The following SLC14A1 variants were observed in gnomAD, a reference collection of about 807,000 sequenced individuals.
The protein encoded by SLC14A1 is urea transporter 1.
In SLC14A1, 36 loss-of-function variants were observed where a neutral mutation model predicts 39.6. The observed-to-expected ratio is 0.91, with a 90% CI of 0.70 to 1.20. The LOEUF is 1.20. SLC14A1 is among the 50% of genes most tolerant of loss of function. The probability of loss-of-function intolerance (pLI) is 0.00; values close to 1 mark genes in which losing one functional copy is unlikely to be tolerated. For missense variants in SLC14A1, 469 were observed against 478.7 expected (o/e 0.98, Z 0.19); for synonymous variants, 164 against 173.6 (o/e 0.94, Z 0.43).
chr18:45,736,708 G>A lies in SLC14A1; in HGVS notation c.663+60G>A, dbSNP rs563883569. On this transcript the variant is annotated intron_variant, in intron 6 of 9. Transcript: ENST00000321925. ...TCTGCAAGATACGCAATGGCCTCCT[G>A]GTCAACTGTCCACGGGTGTCAGAGT... 2.3e-5 allele frequency: 33 copies of A among 1,453,356 alleles called. No individual in the cohort carries two copies. The East Asian group carries it at 5.0e-4, about 22-fold the overall frequency. 90.0% of individuals were successfully genotyped at this position (1,453,356 alleles called of 1,614,324 possible).
intron 5 of SLC14A1, 57 bp from the exon 6 acceptor site, chr18:45,736,399 T>C: frequency 3.9e-6 from 6 of 1,553,868 alleles, no homozygotes; most frequent in Non-Finnish European, 5.3e-6. Flanking sequence ...GTATAGCGAT[T>C]CCGTGTGTCA....
At position 45,751,094 on chromosome 18, in the gene SLC14A1, C is replaced by G. The variant is rs919458310; in HGVS notation, c.*1143C>G. The G allele has an allele frequency of 4.3e-6, 4 of 919,762 alleles. No homozygotes were observed. In the African/African-American group the frequency reaches 7.2e-5, roughly 16 times the overall value. The allele number at this position is 919,762 out of a possible 1,614,324, so 57.0% of individuals were successfully genotyped here. A position where few individuals can be genotyped will look rare whatever the true frequency, so the allele number is the denominator to read the frequency against. On this transcript the variant is annotated 3_prime_UTR_variant, in exon 10 of 10. Coordinates refer to ENST00000321925, the MANE Select transcript of SLC14A1 (RefSeq NM_015865.7). Reference sequence around the variant, plus strand: ...GTGGCTCACGCCTGTAATCCCAGCACTTTGGGGAGCCCAGGCGGGCAGATT... The same window carrying G: ...GTGGCTCACGCCTGTAATCCCAGCAGTTTGGGGAGCCCAGGCGGGCAGATT...
chr18:45,741,626 C>A (rs547729988), intron 8 of SLC14A1, among the ~76,000 whole-genome samples: 11 of 152,286 alleles, frequency 7.2e-5, no homozygotes, highest in Admixed American at 2.0e-4. Flanking sequence ...TTGTCAAATT[C>A]TTTACTATTA....
intron 3 of SLC14A1, 148 bp from the exon 4 acceptor site, chr18:45,730,867 G>A (rs1372456431): frequency 6.6e-6 from 5 of 753,638 alleles, no homozygotes; most frequent in Non-Finnish European, 1.2e-5. Context: ...TGCCACTAAT[G>A]CAACAATGGG....
chr18:45,750,414 T>C lies in SLC14A1; in HGVS notation c.*463T>C. On this transcript the variant is annotated 3_prime_UTR_variant, in exon 10 of 10. Transcript: ENST00000321925. The stretch of plus-strand genomic sequence containing the variant: ...GTGATAAGCAGCTTGGCTTTTTTTT[T>C]AAATCAATGCAAGTTACACATTATA... 9.2e-7 allele frequency: 1 copy of C among 1,082,524 alleles called. No individual in the cohort carries two copies. Among genetic ancestry groups the C allele is most frequent in the Non-Finnish European group, 1.1e-6 (1 of 889,564 alleles). 67.1% of individuals were successfully genotyped at this position (1,082,524 alleles called of 1,614,324 possible). A position where few individuals can be genotyped will look rare whatever the true frequency, so the allele number is the denominator to read the frequency against.
At chr18:45,726,198 A>G (rs546260542) in intron 2 of SLC14A1, among the ~76,000 whole-genome samples, 3 of 152,324 alleles carry the variant, frequency 2.0e-5, no homozygotes, top group Non-Finnish European at 4.4e-5. Flanking sequence ...GCATGCACAC[A>G]CACAATTTTT....
At chr18:45,738,204 C>T (rs2047253670) in intron 6 of SLC14A1, among the ~76,000 whole-genome samples, 1 of 152,214 alleles carries the variant, frequency 6.6e-6, no homozygotes, top group African/African-American at 2.4e-5. Context: ...TGTGCCAAAG[C>T]TGGGGCTCCC....
intron 8 of SLC14A1, among the ~76,000 whole-genome samples, chr18:45,740,555 A>G (rs1390381507): frequency 1.3e-5 from 2 of 151,822 alleles, no homozygotes. Flanking sequence ...AAAAAAAAAG[A>G]AAAAGGGTCT....
chr18:45,733,951 A>G lies in SLC14A1; in HGVS notation c.342-323A>G, dbSNP rs147864429. 6.1e-3 allele frequency among the ~76,000 whole-genome samples: 922 copies of G among 152,336 alleles called. 12 individuals are homozygous for G. The highest frequency in any genetic ancestry group is 6.2e-3 in the South Asian group (30 of 4,820). On this transcript the variant is annotated intron_variant, in intron 4 of 9. Transcript: ENST00000321925. ...GCTCCTTATGAGAATCTAATGCCTGATAATCTGAGGTGGAACAGTTTCATC... is the reference window on the plus strand; with the variant it reads ...GCTCCTTATGAGAATCTAATGCCTGGTAATCTGAGGTGGAACAGTTTCATC...
intron 4 of SLC14A1, among the ~76,000 whole-genome samples, chr18:45,732,124 T>G (rs1051000369): frequency 1.3e-5 from 2 of 152,264 alleles, no homozygotes; most frequent in East Asian, 3.8e-4. Context: ...TACTGAATAT[T>G]CCTTTATGAT....
Position 45,751,848 on chromosome 18 carries a change from T to C in SLC14A1, c.*1897T>C. 1 of 983,726 alleles carries C rather than the reference T, an allele frequency of 1.0e-6. No individual in the cohort carries two copies. Among genetic ancestry groups the C allele is most frequent in the African/African-American group, 1.7e-5 (1 of 57,302 alleles). The allele number at this position is 983,726 out of a possible 1,614,324, so 60.9% of individuals were successfully genotyped here. On this transcript the variant is annotated 3_prime_UTR_variant, in exon 10 of 10. Transcript: ENST00000321925. ...AAGTCATGTTCATTTACTTTCCACT[T>C]CAGTGTGTATCGTGTAGTATTTTGG... is the stretch of plus-strand genomic sequence containing the variant.
chr18:45,747,789 T>C (rs140073893), intron 8 of SLC14A1, among the ~76,000 whole-genome samples: 137 of 152,358 alleles, frequency 9.0e-4, no homozygotes, highest in African/African-American at 3.2e-3. Context: ...CAAGTTTGTG[T>C]TCAGTTCCTG....
rs1017072432 is a variant in SLC14A1, at chr18:45,740,580, G to T, written c.946+918G>T. Among the ~76,000 whole-genome samples the T allele has an allele frequency of 4.0e-5, 6 of 151,438 alleles. No individual in the cohort carries two copies. The East Asian group carries it at 9.7e-4, about 24-fold the overall frequency. On this transcript the variant is annotated intron_variant, in intron 8 of 9. Transcript: ENST00000321925. ...AAAAAGGGTCTCATTCTGTTGCCCA[G>T]GCTGGAGTGCGGTGGTGTGAACACA...
rs1599258356 is a variant in SLC14A1 at position 45,731,259 on chromosome 18, C to T, written c.341+55C>T. 3.9e-6 allele frequency: 6 copies of T among 1,532,092 alleles called. No individual in the cohort carries two copies. The East Asian group carries it at 1.3e-4, about 34-fold the overall frequency. The allele number at this position is 1,532,092 out of a possible 1,614,324, so 94.9% of individuals were successfully genotyped here. On this transcript the variant is annotated intron_variant, in intron 4 of 9. Transcript: ENST00000321925. Reference sequence around the variant, plus strand: ...TCCCTTCTGAGACACAGGGGCTGACCAGTTACTGTGGGCAACAGTGATAAA... The same window carrying T: ...TCCCTTCTGAGACACAGGGGCTGACTAGTTACTGTGGGCAACAGTGATAAA...
chr18:45,752,258 G>A lies in SLC14A1; in HGVS notation c.*2307G>A. 1.0e-6 allele frequency: 1 copy of A among 985,404 alleles called. No individual in the cohort carries two copies. Among genetic ancestry groups the A allele is most frequent in the Non-Finnish European group, 1.2e-6 (1 of 829,900 alleles). The allele number at this position is 985,404 out of a possible 1,614,324, so 61.0% of individuals were successfully genotyped here. ...TCAGCAGTGAAGAATCTAGGCTGTGGCTGAGAGAACCAGAGGCCTCTAAAA... is the reference window on the plus strand; with the variant it reads ...TCAGCAGTGAAGAATCTAGGCTGTGACTGAGAGAACCAGAGGCCTCTAAAA... On this transcript the variant is annotated 3_prime_UTR_variant, in exon 10 of 10. Transcript: ENST00000321925.
At chr18:45,734,452 CAGA>C in intron 5 of SLC14A1, 50 bp downstream of exon 5, 3 of 1,596,766 alleles carry the variant, frequency 1.9e-6, no homozygotes, top group Non-Finnish European at 2.6e-6. Flanking sequence ...AAAAACATGG[CAGA>C]AGGAGGGAAT....
intron 2 of SLC14A1, among the ~76,000 whole-genome samples, chr18:45,728,465 C>G (rs2144740548): frequency 1.3e-5 from 2 of 152,262 alleles, no homozygotes; most frequent in Middle Eastern, 3.4e-3. Flanking sequence ...TCTCTTTGGG[C>G]TGCTTGTCCT....
At chr18:45,727,817 C>A (rs190888757) in intron 2 of SLC14A1, among the ~76,000 whole-genome samples, 2 of 152,196 alleles carry the variant, frequency 1.3e-5, no homozygotes, top group South Asian at 4.1e-4. Context: ...TGTAAGGACT[C>A]TTAAAGTTCC....
intron 8 of SLC14A1, among the ~76,000 whole-genome samples, chr18:45,743,769 C>T (rs761079028): frequency 1.2e-4 from 19 of 152,140 alleles, no homozygotes; most frequent in Non-Finnish European, 2.2e-4. Context: ...TTATTTTCTC[C>T]TCTCAATTGC....
Sources: gnomAD v4.1 joint callset for allele counts (sites outside exome capture counted in the v4.1 genomes callset) on GRCh38, gnomAD v4.1.1 for gene constraint, MANE v1.5 for transcripts, NCBI Gene and HGNC (gene_info 2026-07-23, HGNC 2026-07-21) for gene names.